MAGI1: variants seen among roughly 807,000 people sequenced by gnomAD.
The protein encoded by MAGI1 is membrane associated guanylate kinase, WW and PDZ domain containing 1.
A neutral mutation model predicts 139.9 loss-of-function variants in MAGI1; 58 were observed. The observed-to-expected ratio is 0.41, with a 90% CI of 0.34 to 0.52. The LOEUF is 0.52. MAGI1 is among the 20% of genes least tolerant of loss of function. The pLI is 0.12. For synonymous variants in MAGI1, 812 were observed against 737.9 expected, an observed-to-expected ratio of 1.10 and a Z score of -1.63; for missense variants, 1,874 against 1,901.6, an observed-to-expected ratio of 0.99 and a Z score of 0.27.
chr3:65,583,903 A>G (rs575035695), intron 2 of MAGI1, among the ~76,000 whole-genome samples: 25 of 152,242 alleles, frequency 1.6e-4, no homozygotes, highest in African/African-American at 5.8e-4. Flanking sequence ...GACCTCTACT[A>G]GTCTTTCAAA....
intron 1 of MAGI1, among the ~76,000 whole-genome samples, chr3:65,782,528 G>C (rs552613398): frequency 3.4e-4 from 48 of 143,150 alleles, no homozygotes; most frequent in African/African-American, 1.1e-3. Context: ...ACTAATACAG[G>C]AAGTAACTAC....
intron 2 of MAGI1, among the ~76,000 whole-genome samples, chr3:65,618,453 C>T (rs1160346789): frequency 1.3e-5 from 2 of 152,094 alleles, no homozygotes; most frequent in East Asian, 1.9e-4. Flanking sequence ...ATTACTTGAA[C>T]ATCAGAGAGA....
rs11369893 is a variant in MAGI1 at position 65,661,745 on chromosome 3, G to GTTTTTTTTTTT, written c.314-39668_314-39658dup. Among the ~76,000 whole-genome samples the GTTTTTTTTTTT allele has an allele frequency of 1.4e-3, 132 of 93,914 alleles. 1 individual carries two copies. The highest frequency in any genetic ancestry group is 2.8e-3 in the East Asian group (9 of 3,220). 61.6% of individuals were successfully genotyped at this position (93,914 alleles called of 152,430 possible). A position where few individuals can be genotyped will look rare whatever the true frequency, so the allele number is the denominator to read the frequency against. The stretch of plus-strand genomic sequence containing the variant: ...TTTTTTTGTTGTTTTGTTTTTTTCT[G>GTTTTTTTTTTT]TTTTTTTTTTTTTTTTTTTTGAGAT... On this transcript the variant is annotated intron_variant, in intron 1 of 22. Transcript: ENST00000402939.
chr3:65,510,612 TA>T (rs1230784918), intron 2 of MAGI1, among the ~76,000 whole-genome samples: 5 of 122,850 alleles, frequency 4.1e-5, no homozygotes, highest in Non-Finnish European at 8.5e-5. Context: ...GAAAAAAGAA[TA>T]AAAAGAAATG....
At position 65,517,122 on chromosome 3, in the gene MAGI1, A is replaced by C. The variant is rs58758884; in HGVS notation, c.431-23491T>G. ...CTAAAATTTTACACTACCTGGCTTC[A>C]TATCTCATTCTGCATCAAGCATGTT... On this transcript the variant is annotated intron_variant, in intron 2 of 22. Transcript: ENST00000402939. Among the ~76,000 whole-genome samples, 882 of 152,264 alleles carry C rather than the reference A, an allele frequency of 5.8e-3. 9 individuals are homozygous for C. Among genetic ancestry groups the C allele is most frequent in the African/African-American group, 0.018 (742 of 41,554 alleles).
At position 65,684,306 on chromosome 3, in the gene MAGI1, A is replaced by T. The variant is rs1013679136; in HGVS notation, c.314-62218T>A. Among the ~76,000 whole-genome samples, 3 of 152,210 alleles carry T rather than the reference A, an allele frequency of 2.0e-5. No homozygotes were observed. In the East Asian group the frequency reaches 5.8e-4, roughly 29 times the overall value. Reference sequence around the variant, plus strand: ...AACAACCACCAGTATGCCAGCATTCATAACAGCTTTATGTGTAATAGCTAA... The same window carrying T: ...AACAACCACCAGTATGCCAGCATTCTTAACAGCTTTATGTGTAATAGCTAA... On this transcript the variant is annotated intron_variant, in intron 1 of 22. Transcript: ENST00000402939.
At chr3:65,966,351 T>A (rs1207176696) in intron 1 of MAGI1, among the ~76,000 whole-genome samples, 1 of 152,208 alleles carries the variant, frequency 6.6e-6, no homozygotes, top group Non-Finnish European at 1.5e-5. Context: ...CAAGACTGAC[T>A]TTTCAATAGC....
At chr3:65,946,314 G>A (rs183483802) in intron 1 of MAGI1, among the ~76,000 whole-genome samples, 8 of 152,348 alleles carry the variant, frequency 5.3e-5, no homozygotes, top group Admixed American at 2.0e-4. Context: ...CCTCGTCAGC[G>A]TCTTGTGGGC....
chr3:65,826,380 G>A (rs1017862507), intron 1 of MAGI1, among the ~76,000 whole-genome samples: 1 of 152,114 alleles, frequency 6.6e-6, no homozygotes, highest in African/African-American at 2.4e-5. Context: ...GAAGTAGAAG[G>A]GAATATTATT....
intron 1 of MAGI1, among the ~76,000 whole-genome samples, chr3:66,000,252 A>G (rs1473147529): frequency 2.0e-5 from 3 of 152,078 alleles, no homozygotes; most frequent in African/African-American, 7.2e-5. Flanking sequence ...CCCAGATTAC[A>G]GGCTCAAGCC....
At chr3:65,525,027 G>A (rs2078321981) in intron 2 of MAGI1, among the ~76,000 whole-genome samples, 1 of 152,130 alleles carries the variant, frequency 6.6e-6, no homozygotes, top group African/African-American at 2.4e-5. Flanking sequence ...TGTGCTGCTT[G>A]CTAGAAATCA....
chr3:65,529,168 A>T (rs1430512247), intron 2 of MAGI1, among the ~76,000 whole-genome samples: 11 of 152,032 alleles, frequency 7.2e-5, no homozygotes, highest in Non-Finnish European at 1.5e-4. Flanking sequence ...CTCCCAGGTT[A>T]AAAGAAAGAG....
intron 1 of MAGI1, among the ~76,000 whole-genome samples, chr3:65,673,151 G>C (rs549558463): frequency 6.6e-6 from 1 of 152,100 alleles, no homozygotes; most frequent in Non-Finnish European, 1.5e-5. Context: ...GATGACTGAA[G>C]TTTTACATGA....
Position 65,356,557 on chromosome 3 carries a change from C to G in MAGI1, c.4210G>C (p.Ala1404Pro), listed in dbSNP as rs759698655. 1.2e-6 allele frequency: 2 copies of G among 1,606,938 alleles called. No homozygotes were observed. Among genetic ancestry groups the G allele is most frequent in the African/African-American group, 1.3e-5 (1 of 74,592 alleles). Residue 1404 changes from alanine to proline, a missense_variant, in exon 23 of 23, where the codon GCA (alanine) becomes CCA (proline). This residue lies in a region of MAGI1 where 653 missense variants were observed against 644.5 expected (regional missense o/e 1.01). Coordinates refer to ENST00000402939, the MANE Select transcript of MAGI1 (RefSeq NM_001033057.2). ...RRAKSTDRRRARSPERRRERS... is the reference protein window; with the variant it reads ...RRAKSTDRRRPRSPERRRERS... Reference sequence around the variant, plus strand: ...TCTCTCCTGCGCTCGGGGGAGCGTGCGCGCCTCCGGTCGGTGGACTTGGCC... The same window carrying G: ...TCTCTCCTGCGCTCGGGGGAGCGTGGGCGCCTCCGGTCGGTGGACTTGGCC...
In MAGI1 at chr3:65,381,733, A is replaced by C. The variant is rs1015763334; in HGVS notation, c.2701+144T>G. 1.3e-5 allele frequency: 10 copies of C among 757,990 alleles called. No individual in the cohort carries two copies. The African/African-American group carries it at 1.6e-4, about 12-fold the overall frequency. The allele number at this position is 757,990 out of a possible 1,614,324, so 47.0% of individuals were successfully genotyped here. A position where few individuals can be genotyped will look rare whatever the true frequency, so the allele number is the denominator to read the frequency against. ...AGTAATTTTTGCAGGGTTTGAGAGAAGCAAGCCATCTGGAAATTCTGAGCT... is the reference window on the plus strand; with the variant it reads ...AGTAATTTTTGCAGGGTTTGAGAGACGCAAGCCATCTGGAAATTCTGAGCT... On this transcript the variant is annotated intron_variant, in intron 16 of 22. Transcript: ENST00000402939.
intron 1 of MAGI1, among the ~76,000 whole-genome samples, chr3:65,956,769 G>A (rs987265917): frequency 2.6e-5 from 4 of 151,890 alleles, no homozygotes; most frequent in Non-Finnish European, 4.4e-5. Flanking sequence ...AGGCTGAGGC[G>A]GGAGGACCAC....
At chr3:65,850,376 A>T (rs1199677505) in intron 1 of MAGI1, among the ~76,000 whole-genome samples, 5 of 152,310 alleles carry the variant, frequency 3.3e-5, no homozygotes, top group Middle Eastern at 3.4e-3. Flanking sequence ...TCTGGGTTTT[A>T]AAACTGAAAG....
intron 1 of MAGI1, among the ~76,000 whole-genome samples, chr3:65,976,041 C>A (rs1236728073): frequency 6.6e-6 from 1 of 152,166 alleles, no homozygotes; most frequent in Non-Finnish European, 1.5e-5. Flanking sequence ...TAGGTTGGTG[C>A]CTTCAAAGTT....
intron 2 of MAGI1, among the ~76,000 whole-genome samples, chr3:65,521,913 G>C (rs2078182328): frequency 6.6e-6 from 1 of 152,056 alleles, no homozygotes; most frequent in African/African-American, 2.4e-5. Context: ...TAATGTATCT[G>C]GGATGTGTTC....
Sources: gnomAD v4.1 joint callset for allele counts (sites outside exome capture counted in the v4.1 genomes callset) on GRCh38, gnomAD v4.1.1 for gene constraint, gnomAD v4.1.1 regional missense constraint, MANE v1.5 for transcripts, NCBI Gene and HGNC (gene_info 2026-07-23, HGNC 2026-07-21) for gene names.